Variants in PAPPA observed in about 807,000 individuals in gnomAD.
The protein encoded by PAPPA is pappalysin-1.
PAPPA carries 60 observed loss-of-function variants against 164.0 expected under a neutral mutation model. That is an observed-to-expected ratio of 0.37 (90% CI 0.30 to 0.45). The LOEUF (loss-of-function observed/expected upper bound fraction) is 0.45, where lower values mean the gene tolerates loss of function less well. Among genes scored for constraint, PAPPA ranks in the 20% least tolerant of loss-of-function variants. The probability of loss-of-function intolerance (pLI) is 1.00; values close to 1 mark genes in which losing one functional copy is unlikely to be tolerated. For synonymous variants in PAPPA, 875 were observed against 814.1 expected (o/e 1.07, Z -1.27); for missense variants, 1,782 against 2,087.3 (o/e 0.85, Z 2.85).
At chr9:116,323,078 C>A (rs964691915) in intron 10 of PAPPA, among the ~76,000 whole-genome samples, 4 of 152,152 alleles carry the variant, frequency 2.6e-5, no homozygotes, top group African/African-American at 7.2e-5. Context: ...CCAGAGCCCC[C>A]GCTCCCCCTC....
chr9:116,342,594 T>C (rs1473918854), intron 13 of PAPPA, among the ~76,000 whole-genome samples: 1 of 152,064 alleles, frequency 6.6e-6, no homozygotes, highest in Non-Finnish European at 1.5e-5. Context: ...GGGTAGAGAA[T>C]AGGAATAGAT....
chr9:116,307,479 A>G (rs1354622137), intron 10 of PAPPA, among the ~76,000 whole-genome samples: 1 of 152,076 alleles, frequency 6.6e-6, no homozygotes, highest in Non-Finnish European at 1.5e-5. Context: ...AGGCACCTGT[A>G]ATCCCAGCTA....
At chr9:116,339,543 C>T (rs1424222196) in intron 13 of PAPPA, among the ~76,000 whole-genome samples, 1 of 152,204 alleles carries the variant, frequency 6.6e-6, no homozygotes, top group East Asian at 1.9e-4. Flanking sequence ...AGCATAGTAG[C>T]TCTTTCACTG....
At chr9:116,292,186 G>C (rs117035033) in intron 9 of PAPPA, among the ~76,000 whole-genome samples, 2,298 of 152,298 alleles carry the variant, frequency 0.015, 24 homozygotes, top group Admixed American at 0.026. Context: ...GGGGCTTGTA[G>C]GCCTGGATAC....
At chr9:116,203,567 A>G (rs997584092) in intron 2 of PAPPA, among the ~76,000 whole-genome samples, 1 of 152,200 alleles carries the variant, frequency 6.6e-6, no homozygotes, top group African/African-American at 2.4e-5. Flanking sequence ...GATAGAGGTG[A>G]TGATGATGAT....
chr9:116,359,339 C>G (rs1407728902), intron 17 of PAPPA, among the ~76,000 whole-genome samples: 1 of 152,152 alleles, frequency 6.6e-6, no homozygotes. Context: ...GTAGCTAAAG[C>G]AGCAGGGGAG....
intron 20 of PAPPA, 74 bp downstream of exon 20, chr9:116,377,721 T>C (rs1354263815): frequency 7.7e-6 from 9 of 1,164,304 alleles, no homozygotes; most frequent in South Asian, 5.1e-5. Flanking sequence ...GTTATATTAA[T>C]GTTGGCTATC....
rs113129334 is a variant in PAPPA, at chr9:116,322,292, C to A, written c.3148-8952C>A. Among the ~76,000 whole-genome samples, 1,122 of 152,002 alleles carry A rather than the reference C, an allele frequency of 7.4e-3. 9 individuals carry two copies. Among genetic ancestry groups the A allele is most frequent in the Non-Finnish European group, 1.0e-2 (677 of 67,976 alleles). ...GGGTGTGGTGGCAGGAGCCTGTAAT[C>A]CCAGCTACTCGGGGGGTGGAGGCAG... is the stretch of plus-strand genomic sequence containing the variant. On this transcript the variant is annotated intron_variant, in intron 10 of 21. Transcript: ENST00000328252.
Position 116,189,058 on chromosome 9 carries a change from G to A in PAPPA, c.1478+842G>A, listed in dbSNP as rs143353083. 2.5e-3 allele frequency among the ~76,000 whole-genome samples: 374 copies of A among 152,292 alleles called. 2 individuals are homozygous for A. Among genetic ancestry groups the A allele is most frequent in the African/African-American group, 8.8e-3 (365 of 41,542 alleles). ...TTGATTTGCAGCTTGACTATATCAG[G>A]GAAGCCTTCTTGAGAGAGGTGACAT... On this transcript the variant is annotated intron_variant, in intron 2 of 21. Transcript: ENST00000328252.
intron 9 of PAPPA, among the ~76,000 whole-genome samples, chr9:116,298,479 G>A (rs190467064): frequency 6.6e-6 from 1 of 152,354 alleles, no homozygotes; most frequent in African/African-American, 2.4e-5. Context: ...GGAATTCCCT[G>A]ATATGAGGGG....
At chr9:116,258,525 G>T (rs537492438) in intron 7 of PAPPA, among the ~76,000 whole-genome samples, 13 of 151,706 alleles carry the variant, frequency 8.6e-5, no homozygotes, top group Non-Finnish European at 1.5e-4. Flanking sequence ...GCGTGGTGGC[G>T]CATGCCTGTA....
intron 9 of PAPPA, among the ~76,000 whole-genome samples, chr9:116,275,052 A>G (rs912781803): frequency 3.3e-5 from 5 of 152,168 alleles, no homozygotes; most frequent in Non-Finnish European, 7.4e-5. Flanking sequence ...TAGTTCTGGG[A>G]CCTAATCTTG....
At chr9:116,184,031 GAGAA>G (rs909322002) in intron 1 of PAPPA, among the ~76,000 whole-genome samples, 1 of 152,170 alleles carries the variant, frequency 6.6e-6, no homozygotes, top group African/African-American at 2.4e-5. Flanking sequence ...GAGAGAGACA[GAGAA>G]AGAGAGAGGG....
chr9:116,397,519 A>C lies in PAPPA; in HGVS notation c.*903A>C, dbSNP rs545776536. ...AAGATGGTAGAACTAGGTTAGGAAA[A>C]ATTCCACACAACCAAACAGTCTGCC... On this transcript the variant is annotated 3_prime_UTR_variant, in exon 22 of 22. Coordinates refer to ENST00000328252, the MANE Select transcript of PAPPA (RefSeq NM_002581.5). The C allele has an allele frequency of 6.5e-6, 1 of 152,754 alleles. No homozygotes were observed. The highest frequency in any genetic ancestry group is 2.4e-5 in the African/African-American group (1 of 41,572). The allele number at this position is 152,754 out of a possible 1,614,324, so 9.5% of individuals were successfully genotyped here.
intron 20 of PAPPA, among the ~76,000 whole-genome samples, chr9:116,379,263 C>G (rs536196406): frequency 1.3e-5 from 2 of 152,276 alleles, no homozygotes; most frequent in South Asian, 4.1e-4. Flanking sequence ...TTGTCTGGAG[C>G]TGAAAATTAT....
At chr9:116,202,057 T>G (rs1844177604) in intron 2 of PAPPA, among the ~76,000 whole-genome samples, 1 of 152,162 alleles carries the variant, frequency 6.6e-6, no homozygotes, top group Non-Finnish European at 1.5e-5. Flanking sequence ...TGACCTGCTT[T>G]GAGTGGGAAT....
intron 13 of PAPPA, among the ~76,000 whole-genome samples, chr9:116,335,764 G>C (rs1474524419): frequency 6.6e-6 from 1 of 152,112 alleles, no homozygotes; most frequent in Non-Finnish European, 1.5e-5. Context: ...TTCTTGAATG[G>C]GTGTTCTTGG....
intron 1 of PAPPA, among the ~76,000 whole-genome samples, chr9:116,171,866 G>A (rs561905497): frequency 1.3e-5 from 2 of 152,224 alleles, no homozygotes; most frequent in African/African-American, 4.8e-5. Flanking sequence ...AAACACATCC[G>A]CCTGCAGTGT....
At chr9:116,210,647 T>C (rs1844295114) in intron 3 of PAPPA, among the ~76,000 whole-genome samples, 1 of 152,226 alleles carries the variant, frequency 6.6e-6, no homozygotes, top group African/African-American at 2.4e-5. Flanking sequence ...TAAATTCTGC[T>C]GAGATCTGTT....
Sources: gnomAD v4.1 joint callset for allele counts (sites outside exome capture counted in the v4.1 genomes callset) on GRCh38, gnomAD v4.1.1 for gene constraint, MANE v1.5 for transcripts, NCBI Gene and HGNC (gene_info 2026-07-23, HGNC 2026-07-21) for gene names.